Variants in STXBP4 observed in about 807,000 individuals in gnomAD.
The protein encoded by STXBP4 is syntaxin-binding protein 4.
STXBP4 carries 55 observed loss-of-function variants against 76.1 expected under a neutral mutation model. The observed-to-expected ratio is 0.72, with a 90% CI of 0.58 to 0.91. STXBP4 has a LOEUF of 0.91. Among genes scored for constraint, STXBP4 ranks in the 40% least tolerant of loss-of-function variants. The probability of loss-of-function intolerance (pLI) is 0.00; values close to 1 mark genes in which losing one functional copy is unlikely to be tolerated. For missense variants in STXBP4, 618 were observed against 636.9 expected, an observed-to-expected ratio of 0.97 and a Z score of 0.32; for synonymous variants, 201 against 220.2, an observed-to-expected ratio of 0.91 and a Z score of 0.77.
At chr17:55,068,924 T>C (rs932936805) in intron 12 of STXBP4, among the ~76,000 whole-genome samples, 27 of 152,220 alleles carry the variant, frequency 1.8e-4, no homozygotes, top group African/African-American at 6.5e-4. Flanking sequence ...AAGTACTGTA[T>C]GTGGAAAAAC....
rs921719981 is a variant in STXBP4, at chr17:55,168,128, A to G, written c.*8217A>G. On this transcript the variant is annotated 3_prime_UTR_variant, in exon 18 of 18. Coordinates refer to ENST00000376352, the MANE Select transcript of STXBP4 (RefSeq NM_178509.6). ...TAAATGCATGGATTACTTCTCTGAT[A>G]AAAGTACTCGATATAAGGGAAATTT... 7 of 115,258 alleles carry G rather than the reference A, an allele frequency of 6.1e-5. No homozygotes were observed. Among genetic ancestry groups the G allele is most frequent in the African/African-American group, 1.7e-4 (5 of 29,682 alleles). The allele number at this position is 115,258 out of a possible 1,614,324, so 7.1% of individuals were successfully genotyped here.
chr17:55,024,328 G>A (rs1164065310), intron 8 of STXBP4, among the ~76,000 whole-genome samples: 1 of 152,248 alleles, frequency 6.6e-6, no homozygotes, highest in African/African-American at 2.4e-5. Flanking sequence ...CAATGCAGTA[G>A]TAGTCAGAGC....
intron 8 of STXBP4, among the ~76,000 whole-genome samples, chr17:55,021,676 A>G (rs2078313263): frequency 6.6e-6 from 1 of 152,054 alleles, no homozygotes; most frequent in South Asian, 2.1e-4. Context: ...GTTATTGTTT[A>G]TTATTATCTA....
At chr17:55,133,590 T>G (rs541365364) in intron 16 of STXBP4, among the ~76,000 whole-genome samples, 1 of 152,242 alleles carries the variant, frequency 6.6e-6, no homozygotes, top group East Asian at 1.9e-4. Context: ...GAACCAAGCC[T>G]TGGAGCAGTC....
chr17:54,986,524 C>T (rs2077629159), intron 3 of STXBP4, among the ~76,000 whole-genome samples: 1 of 152,064 alleles, frequency 6.6e-6, no homozygotes, highest in African/African-American at 2.4e-5. Flanking sequence ...GAGACTAGGA[C>T]AGGAGGATAG....
chr17:55,142,561 T>A (rs1033483681), intron 17 of STXBP4, among the ~76,000 whole-genome samples: 1 of 152,090 alleles, frequency 6.6e-6, no homozygotes, highest in Admixed American at 6.6e-5. Flanking sequence ...GTACCTAGCA[T>A]AGAACTTGGA....
At position 55,173,450 on chromosome 17, in the gene STXBP4, C is replaced by G. The variant is rs890376254; in HGVS notation, c.*13539C>G. 6.6e-6 allele frequency: 1 copy of G among 152,180 alleles called. No individual in the cohort carries two copies. The highest frequency in any genetic ancestry group is 1.5e-5 in the Non-Finnish European group (1 of 68,038). 9.4% of individuals were successfully genotyped at this position (152,180 alleles called of 1,614,324 possible). On this transcript the variant is annotated 3_prime_UTR_variant, in exon 18 of 18. Coordinates refer to ENST00000376352, the MANE Select transcript of STXBP4 (RefSeq NM_178509.6). ...GTAACATTCTGAGACAGGCTTCTTT[C>G]ACCCAGCATAATGCCTTTGAGATTC... is the stretch of plus-strand genomic sequence containing the variant.
intron 16 of STXBP4, among the ~76,000 whole-genome samples, chr17:55,135,900 G>A (rs974715492): frequency 2.3e-4 from 35 of 152,030 alleles, no homozygotes; most frequent in African/African-American, 8.5e-4. Context: ...TTGACTATTG[G>A]CAGTGCAAAC....
chr17:54,974,040 A>G (rs557629473), intron 1 of STXBP4, among the ~76,000 whole-genome samples: 2 of 152,270 alleles, frequency 1.3e-5, no homozygotes, highest in Admixed American at 6.5e-5. Context: ...ATAAAGATGT[A>G]TTATTTTAAA....
chr17:54,973,670 C>T (rs1221452305), intron 1 of STXBP4, among the ~76,000 whole-genome samples: 1 of 152,164 alleles, frequency 6.6e-6, no homozygotes, highest in African/African-American at 2.4e-5. Context: ...TCTGAGTGTG[C>T]TTGTAATAAT....
intron 6 of STXBP4, chr17:55,000,376 A>T: frequency 2.0e-6 from 1 of 511,758 alleles, no homozygotes; most frequent in Non-Finnish European, 2.5e-6. Context: ...TATTATCTGA[A>T]CAAATTACAG....
intron 1 of STXBP4, among the ~76,000 whole-genome samples, chr17:54,977,964 C>T (rs546031025): frequency 3.3e-5 from 5 of 152,248 alleles, no homozygotes; most frequent in Admixed American, 2.0e-4. Context: ...TGCCCTCTTC[C>T]TCTTTTGAAA....
Position 55,164,043 on chromosome 17 carries a change from A to G in STXBP4, c.*4132A>G, listed in dbSNP as rs573265549. On this transcript the variant is annotated 3_prime_UTR_variant, in exon 18 of 18. Coordinates refer to ENST00000376352, the MANE Select transcript of STXBP4 (RefSeq NM_178509.6). Reference sequence around the variant, plus strand: ...AATCAACACGCTTGACATTTTTACAATGTACATAAAGAACTGAACTATTAT... The same window carrying G: ...AATCAACACGCTTGACATTTTTACAGTGTACATAAAGAACTGAACTATTAT... 14 of 152,654 alleles carry G rather than the reference A, an allele frequency of 9.2e-5. No homozygotes were observed. Among genetic ancestry groups the G allele is most frequent in the Non-Finnish European group, 1.6e-4 (11 of 68,042 alleles). The allele number at this position is 152,654 out of a possible 1,614,324, so 9.5% of individuals were successfully genotyped here. A position where few individuals can be genotyped will look rare whatever the true frequency, so the allele number is the denominator to read the frequency against.
At chr17:54,986,367 G>C in intron 3 of STXBP4, 101 bp downstream of exon 3, 1 of 830,712 alleles carries the variant, frequency 1.2e-6, no homozygotes. Context: ...TCTCTAATGT[G>C]GTCTAGGATA....
At chr17:55,008,055 A>G (rs1160247448) in intron 8 of STXBP4, among the ~76,000 whole-genome samples, 1 of 152,214 alleles carries the variant, frequency 6.6e-6, no homozygotes, top group Non-Finnish European at 1.5e-5. Context: ...TGGTGGCAGT[A>G]TACTAAAGCA....
chr17:55,117,102 A>T (rs768552507), intron 16 of STXBP4, among the ~76,000 whole-genome samples: 3 of 151,748 alleles, frequency 2.0e-5, no homozygotes, highest in African/African-American at 7.3e-5. Flanking sequence ...TGTGTACGTG[A>T]ATTTCTTATT....
intron 8 of STXBP4, among the ~76,000 whole-genome samples, chr17:55,013,691 G>C (rs1189401694): frequency 1.3e-5 from 2 of 152,208 alleles, no homozygotes; most frequent in Non-Finnish European, 2.9e-5. Flanking sequence ...TTTCTGAACA[G>C]GCAGCTAAAA....
At chr17:55,015,424 G>A (rs997637914) in intron 8 of STXBP4, among the ~76,000 whole-genome samples, 3 of 152,208 alleles carry the variant, frequency 2.0e-5, no homozygotes, top group South Asian at 2.1e-4. Flanking sequence ...CTCTTGGGCT[G>A]CAGTTATGGC....
At chr17:55,197,713 A>T in the STXBP4 span, among the ~76,000 whole-genome samples, 1 of 151,776 alleles carries the variant, frequency 6.6e-6, no homozygotes, top group African/African-American at 2.4e-5. Flanking sequence ...ACTGCACTCT[A>T]GCCTGGGTGA....
Sources: gnomAD v4.1 joint callset for allele counts (sites outside exome capture counted in the v4.1 genomes callset) on GRCh38, gnomAD v4.1.1 for gene constraint, MANE v1.5 for transcripts, NCBI Gene and HGNC (gene_info 2026-07-23, HGNC 2026-07-21) for gene names.